The following CHN1 variants were observed in gnomAD, a reference collection of about 807,000 sequenced individuals.
CHN1 encodes the protein chimerin 1, also known as N-chimaerin.
Under a neutral mutation model 59.5 loss-of-function variants are expected in CHN1, and 37 were observed. That is an observed-to-expected ratio of 0.62 (90% CI 0.48 to 0.82). The LOEUF is 0.82. Among genes scored for constraint, CHN1 ranks in the 40% least tolerant of loss-of-function variants. The pLI, the probability that CHN1 is intolerant of heterozygous loss-of-function variation, is 0.00. For synonymous variants in CHN1, 206 were observed against 200.4 expected (o/e 1.03, Z -0.24); for missense variants, 469 against 571.0 (o/e 0.82, Z 1.82).
At chr2:174,988,019 G>T (rs1574247219) in intron 1 of CHN1, among the ~76,000 whole-genome samples, 1 of 152,158 alleles carries the variant, frequency 6.6e-6, no homozygotes, top group Non-Finnish European at 1.5e-5. Context: ...ACACTAACAT[G>T]CTAGTACATA....
intron 7 of CHN1, among the ~76,000 whole-genome samples, chr2:174,834,832 ATTC>A (rs1182142330): frequency 6.6e-6 from 1 of 152,224 alleles, no homozygotes; most frequent in Non-Finnish European, 1.5e-5. Context: ...TGTGCATTGT[ATTC>A]TTGAGTGTGA....
At chr2:174,871,553 T>C (rs755371232) in intron 6 of CHN1, among the ~76,000 whole-genome samples, 1 of 152,134 alleles carries the variant, frequency 6.6e-6, no homozygotes, top group Non-Finnish European at 1.5e-5. Context: ...GAAACTGCGG[T>C]GGAATGCCAG....
At chr2:174,988,286 G>A (rs1195859617) in intron 1 of CHN1, among the ~76,000 whole-genome samples, 1 of 151,402 alleles carries the variant, frequency 6.6e-6, no homozygotes, top group Admixed American at 6.6e-5. Flanking sequence ...GAACCCGGGA[G>A]GCGGAGCTTG....
intron 1 of CHN1, among the ~76,000 whole-genome samples, chr2:174,967,187 T>C (rs1468053957): frequency 1.3e-5 from 2 of 151,738 alleles, no homozygotes; most frequent in Non-Finnish European, 2.9e-5. Flanking sequence ...CTACAAAAAA[T>C]ACAAAAATTA....
intron 6 of CHN1, chr2:174,847,805 G>C (rs935971138): frequency 6.3e-6 from 3 of 479,202 alleles, no homozygotes; most frequent in Non-Finnish European, 1.1e-5. Context: ...AAAAAAATCA[G>C]TGGGAAGGTA....
At chr2:174,943,212 G>A (rs368992925) in intron 3 of CHN1, among the ~76,000 whole-genome samples, 1 of 149,590 alleles carries the variant, frequency 6.7e-6, no homozygotes, top group African/African-American at 2.4e-5. Flanking sequence ...GTGTGTGTAT[G>A]TGTGTACATG....
chr2:174,977,496 AAGAC>A (rs1690985608), intron 1 of CHN1, among the ~76,000 whole-genome samples: 2 of 152,258 alleles, frequency 1.3e-5, no homozygotes, highest in South Asian at 4.1e-4. Flanking sequence ...ACAGACAACA[AAGAC>A]AGTGTCTTCA....
chr2:174,858,144 G>C (rs1405233237), intron 6 of CHN1, among the ~76,000 whole-genome samples: 1 of 152,090 alleles, frequency 6.6e-6, no homozygotes, highest in Non-Finnish European at 1.5e-5. Flanking sequence ...AGTGACTTCT[G>C]TTGATTAGGC....
intron 5 of CHN1, among the ~76,000 whole-genome samples, chr2:174,893,275 C>A (rs1229405237): frequency 6.6e-6 from 1 of 152,080 alleles, no homozygotes. Flanking sequence ...AGTAAAACTG[C>A]AGGATACAAA....
At chr2:174,901,657 T>C (rs75601106) in intron 5 of CHN1, among the ~76,000 whole-genome samples, 6,400 of 152,258 alleles carry the variant, frequency 0.042, 473 homozygotes, top group African/African-American at 0.14. Flanking sequence ...TAGAAGGATA[T>C]TGCAATTTTC....
chr2:174,810,756 CTG>C (rs1685044446), intron 10 of CHN1: 1 of 152,188 alleles, frequency 6.6e-6, no homozygotes, highest in African/African-American at 2.4e-5. Flanking sequence ...TACAAGAGGT[CTG>C]TGAATGGGAG....
In CHN1 at chr2:174,943,160, T is replaced by C. The variant is rs575495882; in HGVS notation, c.114+1728A>G. Among the ~76,000 whole-genome samples the C allele has an allele frequency of 7.2e-5, 11 of 152,108 alleles. No homozygotes were observed. In the East Asian group the frequency reaches 2.1e-3, roughly 29 times the overall value. On this transcript the variant is annotated intron_variant, in intron 3 of 12. Transcript: ENST00000409900. ...TTTGTAAGGTTCATTTGTTCTTATT[T>C]GTATTCAATTTTAGGGTTTGCTTGT... is the stretch of plus-strand genomic sequence containing the variant.
At chr2:174,894,724 G>A (rs1371252116) in intron 5 of CHN1, among the ~76,000 whole-genome samples, 3 of 152,212 alleles carry the variant, frequency 2.0e-5, no homozygotes, top group Non-Finnish European at 2.9e-5. Flanking sequence ...CAACCAAGAC[G>A]TCTATTGATG....
At chr2:174,843,603 C>G (rs1686391401) in intron 7 of CHN1, among the ~76,000 whole-genome samples, 1 of 151,616 alleles carries the variant, frequency 6.6e-6, no homozygotes, top group Admixed American at 6.6e-5. Context: ...CACGATCATG[C>G]TAAGGTTTTC....
At chr2:174,986,261 G>A (rs533339864) in intron 1 of CHN1, among the ~76,000 whole-genome samples, 6 of 152,146 alleles carry the variant, frequency 3.9e-5, no homozygotes, top group South Asian at 2.1e-4. Flanking sequence ...ATAATATAGC[G>A]AACACAGCTA....
intron 1 of CHN1, among the ~76,000 whole-genome samples, chr2:174,956,076 T>C (rs888074962): frequency 6.6e-6 from 1 of 152,052 alleles, no homozygotes; most frequent in East Asian, 1.9e-4. Flanking sequence ...CTTAAAGACA[T>C]AGAGGAAATC....
intron 1 of CHN1, among the ~76,000 whole-genome samples, chr2:174,959,519 C>T (rs1574214264): frequency 6.6e-6 from 1 of 152,100 alleles, no homozygotes; most frequent in East Asian, 1.9e-4. Flanking sequence ...GACCAATTTT[C>T]CAGGACGCTA....
chr2:174,962,118 C>A (rs1690430072), intron 1 of CHN1, among the ~76,000 whole-genome samples: 1 of 152,058 alleles, frequency 6.6e-6, no homozygotes, highest in Non-Finnish European at 1.5e-5. Context: ...AACCCCGTCT[C>A]TACTAAAAAT....
chr2:174,968,986 A>G lies in CHN1; in HGVS notation c.20-16784T>C, dbSNP rs114277517. ...AATGTGACCATTTATTTCATTGCAG[A>G]AATACTAATGTGTGATTATAGAGTA... On this transcript the variant is annotated intron_variant, in intron 1 of 12. Coordinates refer to ENST00000409900, the MANE Select transcript of CHN1 (RefSeq NM_001822.7). Among the ~76,000 whole-genome samples, 567 of 152,332 alleles carry G rather than the reference A, an allele frequency of 3.7e-3. 3 individuals are homozygous for G. Among genetic ancestry groups the G allele is most frequent in the African/African-American group, 0.013 (543 of 41,574 alleles).
Sources: allele counts gnomAD v4.1 joint callset (sites outside exome capture counted in the v4.1 genomes callset), GRCh38; gene constraint gnomAD v4.1.1; transcripts MANE v1.5; gene names NCBI Gene and HGNC (gene_info 2026-07-23, HGNC 2026-07-21).